Variants in NUDT9 observed in about 807,000 individuals in gnomAD.
NUDT9 encodes nudix hydrolase 9.
Under a neutral mutation model 41.0 loss-of-function variants are expected in NUDT9, and 31 were observed. The ratio of observed to expected loss-of-function variants is 0.76; its 90% CI spans 0.57 to 1.02. The LOEUF (loss-of-function observed/expected upper bound fraction) is 1.02. NUDT9 is among the 50% of genes least tolerant of loss of function. The pLI is 0.00. For synonymous variants in NUDT9, 146 were observed against 147.6 expected (o/e 0.99, Z 0.08); for missense variants, 380 against 431.4 (o/e 0.88, Z 1.06).
intron 3 of NUDT9, among the ~76,000 whole-genome samples, chr4:87,440,627 C>G (rs1366294718): frequency 6.6e-6 from 1 of 152,056 alleles, no homozygotes; most frequent in South Asian, 2.1e-4. Context: ...GCGGGTGGAT[C>G]GTGAGGTCAG....
chr4:87,438,720 A>G lies in NUDT9; in HGVS notation c.443+348A>G, dbSNP rs914845653. Among the ~76,000 whole-genome samples the G allele has an allele frequency of 8.5e-5, 13 of 152,366 alleles. No homozygotes were observed. The South Asian group carries it at 2.5e-3, about 29-fold the overall frequency. On this transcript the variant is annotated intron_variant, in intron 3 of 7. Transcript: ENST00000302174. ...AATGGTATAGTATCTTAAAGTAAGA[A>G]TTTATCCAAACATGTAAGAGTAAAA... is the stretch of plus-strand genomic sequence containing the variant.
At chr4:87,433,616 T>C (rs1197974574) in intron 1 of NUDT9, among the ~76,000 whole-genome samples, 1 of 152,204 alleles carries the variant, frequency 6.6e-6, no homozygotes, top group African/African-American at 2.4e-5. Context: ...AAAGGAGCTA[T>C]CATAATTTTA....
intron 7 of NUDT9, among the ~76,000 whole-genome samples, chr4:87,456,625 A>G (rs1723002562): frequency 6.6e-6 from 1 of 152,206 alleles, no homozygotes; most frequent in Non-Finnish European, 1.5e-5. Flanking sequence ...GCTAGTCCAA[A>G]GGTCAGCTTT....
At chr4:87,451,066 T>C (rs1722687458) in intron 5 of NUDT9, among the ~76,000 whole-genome samples, 1 of 152,208 alleles carries the variant, frequency 6.6e-6, no homozygotes, top group East Asian at 1.9e-4. Flanking sequence ...TTTGCGATTT[T>C]AGACAGGGCA....
Position 87,454,426 on chromosome 4 carries a change from CAG to C in NUDT9, c.847_848del (p.Glu283SerfsTer6), listed in dbSNP as rs1560800726. The C allele has an allele frequency of 1.2e-6, 2 of 1,610,240 alleles. No individual in the cohort carries two copies. The highest frequency in any genetic ancestry group is 1.7e-6 in the Non-Finnish European group (2 of 1,176,576). ...AACACTGATAATGCATGGATGGAGACAGAAGCTGTGAACTACCATGACGAAAC... is the reference window on the plus strand; with the variant it reads ...AACACTGATAATGCATGGATGGAGACAAGCTGTGAACTACCATGACGAAAC... On this transcript the variant is annotated frameshift_variant, in exon 7 of 8. Coordinates refer to ENST00000302174, the MANE Select transcript of NUDT9 (RefSeq NM_024047.5). LOFTEE classifies it high-confidence loss of function.
chr4:87,422,698 TG>T lies in NUDT9; in HGVS notation c.-204del. 1 of 431,210 alleles carries T rather than the reference TG, an allele frequency of 2.3e-6. No individual in the cohort carries two copies. The highest frequency in any genetic ancestry group is 4.1e-6 in the Non-Finnish European group (1 of 243,884). The allele number at this position is 431,210 out of a possible 1,614,324, so 26.7% of individuals were successfully genotyped here. On this transcript the variant is annotated 5_prime_UTR_variant, in exon 1 of 8. An upstream open reading frame in the 5' UTR gains an earlier in-frame stop. Coordinates refer to ENST00000302174, the MANE Select transcript of NUDT9 (RefSeq NM_024047.5). ...CTGGTCTGGATTTTTCTCGATGCAC[TG>T]GGGAAAGCGGTGGACTCTTATCGTG...
chr4:87,429,378 T>C (rs947889753), intron 1 of NUDT9, among the ~76,000 whole-genome samples: 4 of 152,082 alleles, frequency 2.6e-5, no homozygotes, highest in Non-Finnish European at 5.9e-5. Flanking sequence ...GGTCTTGAAC[T>C]CCTAGCTTCA....
chr4:87,431,470 A>G (rs1469779447), intron 1 of NUDT9, among the ~76,000 whole-genome samples: 1 of 152,228 alleles, frequency 6.6e-6, no homozygotes, highest in Non-Finnish European at 1.5e-5. Context: ...GGATTTTGAC[A>G]GAGATTGCAT....
intron 1 of NUDT9, among the ~76,000 whole-genome samples, chr4:87,430,178 G>T (rs1721620024): frequency 1.3e-5 from 2 of 152,284 alleles, no homozygotes; most frequent in South Asian, 4.1e-4. Context: ...ATGGAAGGGG[G>T]CCATGAGCCA....
intron 1 of NUDT9, among the ~76,000 whole-genome samples, chr4:87,427,779 C>T (rs1721497969): frequency 1.3e-5 from 2 of 152,156 alleles, no homozygotes; most frequent in Non-Finnish European, 2.9e-5. Flanking sequence ...TCTTGCCCTA[C>T]TCCCAAACCA....
rs556230695 is a variant in NUDT9, at chr4:87,430,960, A to G, written c.108-4021A>G. On this transcript the variant is annotated intron_variant, in intron 1 of 7. Transcript: ENST00000302174. Reference sequence around the variant, plus strand: ...ATGTAATATATAGTCCAGCTTACCAATTTTTTCTCTTGTTGCTTGTACTTT... The same window carrying G: ...ATGTAATATATAGTCCAGCTTACCAGTTTTTTCTCTTGTTGCTTGTACTTT... Among the ~76,000 whole-genome samples, 32 of 152,100 alleles carry G rather than the reference A, an allele frequency of 2.1e-4. No homozygotes were observed. The East Asian group carries it at 3.5e-3, about 17-fold the overall frequency.
intron 5 of NUDT9, among the ~76,000 whole-genome samples, chr4:87,450,960 A>T (rs1055101603): frequency 1.3e-5 from 2 of 152,230 alleles, no homozygotes; most frequent in Non-Finnish European, 2.9e-5. Flanking sequence ...GGAGAGACAG[A>T]TAATATAAGA....
chr4:87,425,040 C>A (rs746422558), intron 1 of NUDT9, among the ~76,000 whole-genome samples: 74 of 152,088 alleles, frequency 4.9e-4, no homozygotes, highest in Non-Finnish European at 9.6e-4. Context: ...CAGAGTGATA[C>A]AATGTCTCAA....
At chr4:87,448,649 T>G (rs1341032506) in intron 4 of NUDT9, among the ~76,000 whole-genome samples, 4 of 151,996 alleles carry the variant, frequency 2.6e-5, no homozygotes, top group African/African-American at 4.8e-5. Context: ...CCCAGCTAAT[T>G]TTTTATTTTT....
chr4:87,445,520 A>G (rs576264585), intron 4 of NUDT9: 14 of 152,290 alleles, frequency 9.2e-5, no homozygotes, highest in African/African-American at 3.4e-4. Context: ...ACAATTATCA[A>G]AAGTTTCTTC....
At chr4:87,454,583 T>A (rs1229919075) in intron 7 of NUDT9, 128 bp downstream of exon 7, 2 of 610,184 alleles carry the variant, frequency 3.3e-6, no homozygotes, top group African/African-American at 3.7e-5. Context: ...AGGACTGTAG[T>A]TATATGAAAG....
intron 1 of NUDT9, chr4:87,434,391 A>G (rs1410521940): frequency 6.8e-6 from 1 of 147,732 alleles, no homozygotes; most frequent in Non-Finnish European, 1.5e-5. Context: ...TTCCCCTTCC[A>G]CAACAGATAA....
In NUDT9 at chr4:87,425,456, G is replaced by A. The variant is rs559160903; in HGVS notation, c.107+2444G>A. On this transcript the variant is annotated intron_variant, in intron 1 of 7. Coordinates refer to ENST00000302174, the MANE Select transcript of NUDT9 (RefSeq NM_024047.5). ...GTTGCCAAGGCTGGAGTGCGGTGGCGTGATCTTGGCTCATTGCAACCTCCG... is the reference window on the plus strand; with the variant it reads ...GTTGCCAAGGCTGGAGTGCGGTGGCATGATCTTGGCTCATTGCAACCTCCG... 7.5e-5 allele frequency among the ~76,000 whole-genome samples: 11 copies of A among 147,362 alleles called. No individual in the cohort carries two copies. The East Asian group carries it at 2.0e-3, about 27-fold the overall frequency.
rs944508255 is a variant in NUDT9, at chr4:87,451,495, T to C, written c.643-94T>C. 8 of 971,814 alleles carry C rather than the reference T, an allele frequency of 8.2e-6. 1 individual carries two copies. The South Asian group carries it at 1.3e-4, about 16-fold the overall frequency. 60.2% of individuals were successfully genotyped at this position (971,814 alleles called of 1,614,324 possible). A position where few individuals can be genotyped will look rare whatever the true frequency, so the allele number is the denominator to read the frequency against. On this transcript the variant is annotated intron_variant, in intron 5 of 7. Transcript: ENST00000302174. ...AATGGGGATCACTATTATAGGCAGA[T>C]TGAATAATAAATGTTCACTCTACTA...
Sources: allele counts gnomAD v4.1 joint callset (sites outside exome capture counted in the v4.1 genomes callset), GRCh38; gene constraint gnomAD v4.1.1; transcripts MANE v1.5; gene names NCBI Gene and HGNC (gene_info 2026-07-23, HGNC 2026-07-21).